The following FAF1 variants were observed in gnomAD, a reference collection of about 807,000 sequenced individuals.
FAF1 encodes the protein FAS-associated factor 1.
A neutral mutation model predicts 92.5 loss-of-function variants in FAF1; 25 were observed. The observed-to-expected ratio is 0.27, with a 90% CI of 0.20 to 0.38. The LOEUF (loss-of-function observed/expected upper bound fraction) is 0.38. FAF1 is among the 10% of genes least tolerant of loss of function. The pLI is 1.00. For synonymous variants in FAF1, 234 were observed against 273.2 expected (o/e 0.86, Z 1.42); for missense variants, 636 against 793.3 (o/e 0.80, Z 2.38).
intron 13 of FAF1, among the ~76,000 whole-genome samples, chr1:50,543,186 G>C (rs1237745803): frequency 1.3e-5 from 2 of 152,100 alleles, no homozygotes; most frequent in African/African-American, 4.8e-5. Flanking sequence ...TTCAAAACAG[G>C]ATATTGTTTA....
chr1:50,614,444 AAAAAAC>A, intron 8 of FAF1, among the ~76,000 whole-genome samples: 1 of 152,338 alleles, frequency 6.6e-6, no homozygotes, highest in Middle Eastern at 3.4e-3. Context: ...TGTGAGTGTA[AAAAAAC>A]AAAAACTGCA....
intron 7 of FAF1, among the ~76,000 whole-genome samples, chr1:50,692,523 A>ACTTCTAT (rs1185357372): frequency 6.6e-6 from 1 of 152,096 alleles, no homozygotes; most frequent in East Asian, 1.9e-4. Flanking sequence ...TGACTTTTCT[A>ACTTCTAT]GAATCCATAT....
chr1:50,611,779 C>T (rs1427749821), intron 8 of FAF1, among the ~76,000 whole-genome samples: 1 of 152,168 alleles, frequency 6.6e-6, no homozygotes, highest in Non-Finnish European at 1.5e-5. Flanking sequence ...ACCCACCGTA[C>T]ATTACTTGGT....
At chr1:50,749,951 T>C (rs980932435) in intron 4 of FAF1, among the ~76,000 whole-genome samples, 15 of 152,158 alleles carry the variant, frequency 9.9e-5, no homozygotes, top group Admixed American at 9.8e-4. Flanking sequence ...ACTCAAAAAA[T>C]GTTATTTTGA....
chr1:50,585,925 T>G (rs1339335491), intron 9 of FAF1, among the ~76,000 whole-genome samples: 3 of 148,582 alleles, frequency 2.0e-5, no homozygotes, highest in African/African-American at 7.4e-5. Flanking sequence ...CATGATGGTG[T>G]GCCGCTGGTC....
At chr1:50,633,788 T>C (rs1653891991) in intron 8 of FAF1, among the ~76,000 whole-genome samples, 1 of 152,218 alleles carries the variant, frequency 6.6e-6, no homozygotes, top group South Asian at 2.1e-4. Context: ...AATAACGATA[T>C]TCGTTGCCTG....
At chr1:50,624,895 C>T (rs1006929817) in intron 8 of FAF1, among the ~76,000 whole-genome samples, 4 of 143,718 alleles carry the variant, frequency 2.8e-5, no homozygotes, top group African/African-American at 1.1e-4. Flanking sequence ...GAATCCCACA[C>T]TCTTTTTTTT....
intron 6 of FAF1, among the ~76,000 whole-genome samples, chr1:50,724,318 C>CACACACAT (rs1557494810): frequency 6.6e-5 from 10 of 150,448 alleles, no homozygotes; most frequent in African/African-American, 2.5e-4. Context: ...CACACACACA[C>CACACACAT]ACACACACAC....
chr1:50,758,123 G>A (rs1660153938), intron 4 of FAF1, among the ~76,000 whole-genome samples: 1 of 152,120 alleles, frequency 6.6e-6, no homozygotes, highest in Non-Finnish European at 1.5e-5. Context: ...TTGCTATATT[G>A]GCCAGGCTGG....
At chr1:50,640,866 A>T in intron 8 of FAF1, among the ~76,000 whole-genome samples, 1 of 109,618 alleles carries the variant, frequency 9.1e-6, no homozygotes, top group Non-Finnish European at 1.7e-5. Context: ...ACTGGGTCTC[A>T]CTCTGTCGCC....
chr1:50,677,581 TCTTATTA>T (rs1482385135), intron 7 of FAF1, among the ~76,000 whole-genome samples: 1 of 152,200 alleles, frequency 6.6e-6, no homozygotes, highest in Non-Finnish European at 1.5e-5. Flanking sequence ...TCATTTTAGT[TCTTATTA>T]CTAAGTTTTA....
In FAF1 at chr1:50,826,726, C is replaced by T. The variant is rs1644101724; in HGVS notation, c.115-25049G>A. On this transcript the variant is annotated intron_variant, in intron 2 of 18. Coordinates refer to ENST00000396153, the MANE Select transcript of FAF1 (RefSeq NM_007051.3). ...ATAAAAGAATATTATGAACTTTATGCCAATAAATATGAAAATTTAGATAGA... is the reference window on the plus strand; with the variant it reads ...ATAAAAGAATATTATGAACTTTATGTCAATAAATATGAAAATTTAGATAGA... 5.9e-5 allele frequency among the ~76,000 whole-genome samples: 9 copies of T among 151,944 alleles called. No individual in the cohort carries two copies. In the South Asian group the frequency reaches 1.9e-3, roughly 32 times the overall value.
At chr1:50,513,981 A>G (rs1453980762) in intron 15 of FAF1, among the ~76,000 whole-genome samples, 1 of 152,200 alleles carries the variant, frequency 6.6e-6, no homozygotes, top group East Asian at 1.9e-4. Flanking sequence ...TGCAAATACA[A>G]TCCTTGAATT....
rs1373463031 is a variant in FAF1, at chr1:50,780,767, G to A, written c.367+7233C>T. The A allele has an allele frequency of 1.3e-5, 4 of 308,012 alleles. No individual in the cohort carries two copies. The East Asian group carries it at 3.6e-4, about 27-fold the overall frequency. 19.1% of individuals were successfully genotyped at this position (308,012 alleles called of 1,614,324 possible). ...CTGGAGAACAAATCACCCCGAGGGA[G>A]CTGGTCTCCACACAGGTGAGTGATG... On this transcript the variant is annotated intron_variant, in intron 4 of 18. Coordinates refer to ENST00000396153, the MANE Select transcript of FAF1 (RefSeq NM_007051.3).
chr1:50,885,095 T>C (rs1644647655), intron 1 of FAF1, among the ~76,000 whole-genome samples: 1 of 152,230 alleles, frequency 6.6e-6, no homozygotes, highest in Non-Finnish European at 1.5e-5. Flanking sequence ...CCTTTGAATT[T>C]CCACAGTATC....
At chr1:50,538,022 T>G (rs534205046) in intron 14 of FAF1, among the ~76,000 whole-genome samples, 10 of 152,256 alleles carry the variant, frequency 6.6e-5, no homozygotes, top group Non-Finnish European at 1.2e-4. Flanking sequence ...TACATGATTT[T>G]ATAACATACA....
intron 2 of FAF1, among the ~76,000 whole-genome samples, chr1:50,825,541 T>TA (rs1430888604): frequency 2.0e-5 from 3 of 151,506 alleles, no homozygotes; most frequent in Non-Finnish European, 4.4e-5. Flanking sequence ...AAAACAGAAT[T>TA]AAAAAAATAA....
chr1:50,497,484 C>T (rs1646912800), intron 15 of FAF1, among the ~76,000 whole-genome samples: 1 of 142,586 alleles, frequency 7.0e-6, no homozygotes, highest in African/African-American at 2.6e-5. Context: ...AGGGAATAAA[C>T]AAAACTAGAA....
intron 2 of FAF1, among the ~76,000 whole-genome samples, chr1:50,810,907 G>A (rs903868319): frequency 1.6e-4 from 25 of 152,126 alleles, no homozygotes; most frequent in African/African-American, 6.0e-4. Flanking sequence ...AAATTAGCCT[G>A]GCATGGTGGC....
Sources: allele counts gnomAD v4.1 joint callset (sites outside exome capture counted in the v4.1 genomes callset), GRCh38; gene constraint gnomAD v4.1.1; transcripts MANE v1.5; gene names NCBI Gene and HGNC (gene_info 2026-07-23, HGNC 2026-07-21).